The following PCDH15 variants were observed in gnomAD, a reference collection of about 807,000 sequenced individuals.
PCDH15 encodes protocadherin related 15.
Under a neutral mutation model 178.5 loss-of-function variants are expected in PCDH15, and 129 were observed. The observed-to-expected ratio is 0.72, with a 90% confidence interval of 0.63 to 0.84. PCDH15 has a LOEUF of 0.84. Among genes scored for constraint, PCDH15 ranks in the 40% least tolerant of loss-of-function variants. The pLI is 0.00. For missense variants in PCDH15, 2,230 were observed against 2,099.9 expected (o/e 1.06, Z -1.21); for synonymous variants, 800 against 732.0 (o/e 1.09, Z -1.50).
chr10:53,864,760 G>A (rs1313455574), intron 27 of PCDH15, among the ~76,000 whole-genome samples: 1 of 151,816 alleles, frequency 6.6e-6, no homozygotes, highest in Non-Finnish European at 1.5e-5. Context: ...CTCCAGCCTG[G>A]GAGTCAGAGG....
intron 2 of PCDH15, among the ~76,000 whole-genome samples, chr10:55,067,195 C>G (rs1841586706): frequency 6.6e-6 from 1 of 151,938 alleles, no homozygotes; most frequent in Non-Finnish European, 1.5e-5. Context: ...TTTCTTCTAT[C>G]TAACTGTATG....
intron 23 of PCDH15, among the ~76,000 whole-genome samples, chr10:53,951,748 G>T (rs1001201728): frequency 2.0e-5 from 3 of 152,160 alleles, no homozygotes; most frequent in African/African-American, 7.2e-5. Flanking sequence ...GGCCTACTGG[G>T]CTTGTTTCAC....
At chr10:54,124,533 G>A (rs1022544822) in intron 15 of PCDH15, among the ~76,000 whole-genome samples, 1 of 152,048 alleles carries the variant, frequency 6.6e-6, no homozygotes, top group East Asian at 1.9e-4. Context: ...TTTGCCAGAT[G>A]AACAAGATGA....
chr10:55,562,411 T>C (rs1258541999), intron 2 of PCDH15, among the ~76,000 whole-genome samples: 1 of 152,004 alleles, frequency 6.6e-6, no homozygotes, highest in African/African-American at 2.4e-5. Flanking sequence ...TTATTCATAA[T>C]AGTTTAAAAC....
chr10:55,239,535 A>T (rs1198675607), intron 1 of PCDH15, among the ~76,000 whole-genome samples: 1 of 152,170 alleles, frequency 6.6e-6, no homozygotes, highest in Non-Finnish European at 1.5e-5. Context: ...CATATACAAA[A>T]ATCATATCAA....
At chr10:54,710,526 C>T (rs1591201604) in intron 1 of PCDH15, among the ~76,000 whole-genome samples, 1 of 152,024 alleles carries the variant, frequency 6.6e-6, no homozygotes, top group African/African-American at 2.4e-5. Flanking sequence ...CTACTGGCTG[C>T]TGCAGAAAAT....
chr10:55,188,387 T>C (rs922568308), intron 1 of PCDH15, among the ~76,000 whole-genome samples: 11 of 151,918 alleles, frequency 7.2e-5, no homozygotes, highest in Admixed American at 3.3e-4. Context: ...TTTTATATAT[T>C]TCCATTTTGA....
chr10:54,215,874 T>C (rs890819369), intron 9 of PCDH15, among the ~76,000 whole-genome samples: 5 of 151,194 alleles, frequency 3.3e-5, no homozygotes, highest in African/African-American at 1.2e-4. Context: ...AGCCCGCCTC[T>C]ACTAAAAAAA....
chr10:53,902,442 T>A (rs1029865601), intron 26 of PCDH15, among the ~76,000 whole-genome samples: 2 of 152,150 alleles, frequency 1.3e-5, no homozygotes, highest in Non-Finnish European at 2.9e-5. Flanking sequence ...TTAGGTTTTA[T>A]GTGCAATTTA....
intron 3 of PCDH15, among the ~76,000 whole-genome samples, chr10:54,846,060 C>T (rs961319505): frequency 1.3e-5 from 2 of 152,006 alleles, no homozygotes; most frequent in South Asian, 2.1e-4. Context: ...ACCTTTACTG[C>T]ATATTAAATA....
chr10:54,118,401 C>A (rs527787469), intron 15 of PCDH15, among the ~76,000 whole-genome samples: 3 of 152,278 alleles, frequency 2.0e-5, no homozygotes, highest in African/African-American at 7.2e-5. Context: ...TGGCTCACGC[C>A]TGTAATCCCA....
chr10:55,209,464 T>C (rs1840500360), intron 1 of PCDH15, among the ~76,000 whole-genome samples: 1 of 151,738 alleles, frequency 6.6e-6, no homozygotes, highest in Non-Finnish European at 1.5e-5. Context: ...TGGTCTATGG[T>C]AAAGGACGAT....
intron 18 of PCDH15, among the ~76,000 whole-genome samples, chr10:54,032,745 GT>G (rs2093327659): frequency 6.6e-6 from 1 of 151,896 alleles, no homozygotes; most frequent in Non-Finnish European, 1.5e-5. Flanking sequence ...ATATTAGTCA[GT>G]TTTCACAATG....
intron 10 of PCDH15, among the ~76,000 whole-genome samples, chr10:54,198,294 G>T (rs2049874459): frequency 6.6e-6 from 1 of 151,916 alleles, no homozygotes; most frequent in African/African-American, 2.4e-5. Flanking sequence ...TAGAGTCTAC[G>T]CCTGGAAAAC....
At chr10:55,415,035 T>C (rs567838188) in intron 2 of PCDH15, among the ~76,000 whole-genome samples, 7 of 151,720 alleles carry the variant, frequency 4.6e-5, no homozygotes, top group African/African-American at 1.4e-4. Flanking sequence ...CCATTGATTA[T>C]GTTAGTTGTA....
chr10:55,608,174 A>T (rs1041853366), intron 2 of PCDH15, among the ~76,000 whole-genome samples: 1 of 151,860 alleles, frequency 6.6e-6, no homozygotes, highest in Non-Finnish European at 1.5e-5. Flanking sequence ...CAAACTTCAC[A>T]GAAGAGACAC....
At chr10:54,532,194 C>T (rs904931704) in intron 2 of PCDH15, among the ~76,000 whole-genome samples, 1 of 152,052 alleles carries the variant, frequency 6.6e-6, no homozygotes, top group East Asian at 1.9e-4. Context: ...ATAATTAAAA[C>T]CTTGCTTATT....
intron 1 of PCDH15, among the ~76,000 whole-genome samples, chr10:54,767,370 T>C (rs2133221899): frequency 6.6e-6 from 1 of 152,242 alleles, no homozygotes; most frequent in East Asian, 1.9e-4. Flanking sequence ...GAGTCCATGC[T>C]AATAAGTGTT....
At chr10:54,132,762 G>T (rs1272916031) in intron 15 of PCDH15, 113 bp downstream of exon 15, 22 of 1,504,728 alleles carry the variant, frequency 1.5e-5, no homozygotes, top group Non-Finnish European at 1.9e-5. Context: ...CACTAGAGTG[G>T]AGGCAAGCAT....
Sources: allele counts gnomAD v4.1 joint callset (sites outside exome capture counted in the v4.1 genomes callset), GRCh38; gene constraint gnomAD v4.1.1; transcripts MANE v1.5; gene names NCBI Gene and HGNC (gene_info 2026-07-23, HGNC 2026-07-21).